MYCBP2: variants seen among roughly 807,000 people sequenced by gnomAD.
The protein encoded by MYCBP2 is E3 ubiquitin-protein ligase MYCBP2.
Under a neutral mutation model 525.3 loss-of-function variants are expected in MYCBP2, and 120 were observed. The observed-to-expected ratio is 0.23, with a 90% CI of 0.20 to 0.27. The LOEUF is 0.27. Among genes scored for constraint, MYCBP2 ranks in the 10% least tolerant of loss-of-function variants. The probability of loss-of-function intolerance (pLI) is 1.00; values close to 1 mark genes in which losing one functional copy is unlikely to be tolerated. For synonymous variants in MYCBP2, 1,894 were observed against 1,955.8 expected, an observed-to-expected ratio of 0.97 and a Z score of 0.83; for missense variants, 4,149 against 5,657.1, an observed-to-expected ratio of 0.73 and a Z score of 8.55.
rs777618853 is a variant in MYCBP2, at chr13:77,326,502, C to T, written c.274G>A (p.Gly92Ser). 1 of 1,587,830 alleles carries T rather than the reference C, an allele frequency of 6.3e-7. No homozygotes were observed. The highest frequency in any genetic ancestry group is 8.6e-7 in the Non-Finnish European group (1 of 1,167,952). Reference protein sequence around the residue: ...TAALNDRDQGGGSAGHPASRN... With the variant: ...TAALNDRDQGSGSAGHPASRN... ...GAGGCTGGGTGTCCAGCGCTGCCGC[C>T]CCCCTGGTCCCTGTCATTGAGCGCA... Residue 92 changes from glycine to serine, a missense_variant, in exon 1 of 83, where the codon GGC becomes AGC. Around this residue, in one of 21 missense-constraint regions of MYCBP2, gnomAD observed 413 missense variants for 451.2 expected, o/e 0.92. Transcript: ENST00000544440. The surrounding 1 kb of genome is among the most constrained non-coding windows in gnomAD (Gnocchi z 4.2).
chr13:77,163,945 A>G (rs894151976), intron 43 of MYCBP2, among the ~76,000 whole-genome samples: 1 of 152,080 alleles, frequency 6.6e-6, no homozygotes, highest in African/African-American at 2.4e-5. Context: ...TGTTCTGTGC[A>G]TCTTTGAAAT....
intron 23 of MYCBP2, among the ~76,000 whole-genome samples, chr13:77,207,640 A>T (rs893673159): frequency 1.6e-4 from 24 of 152,330 alleles, no homozygotes; most frequent in Non-Finnish European, 3.2e-4. Flanking sequence ...AATTATTTTT[A>T]AAAAGCACTT....
chr13:77,191,048 C>T (rs973393941), intron 28 of MYCBP2, among the ~76,000 whole-genome samples: 1 of 152,106 alleles, frequency 6.6e-6, no homozygotes, highest in African/African-American at 2.4e-5. Flanking sequence ...TTAGAGTCAA[C>T]AGGTTACAGG....
At chr13:77,149,154 G>C (rs887648089) in intron 47 of MYCBP2, among the ~76,000 whole-genome samples, 9 of 151,874 alleles carry the variant, frequency 5.9e-5, no homozygotes, top group South Asian at 2.1e-4. Flanking sequence ...ATCTTGAAAG[G>C]CTTATCTACA....
intron 52 of MYCBP2, chr13:77,129,131 T>C (rs1315723396): frequency 1.8e-5 from 7 of 397,444 alleles, no homozygotes; most frequent in Non-Finnish European, 3.1e-5. Flanking sequence ...GAATAAAATA[T>C]TATTGTTCCT....
chr13:77,278,968 T>C, intron 3 of MYCBP2, 57 bp from the exon 4 acceptor site: 1 of 1,305,296 alleles, frequency 7.7e-7, no homozygotes, highest in South Asian at 1.9e-5. Context: ...TAACACTTTC[T>C]AAGCAGTTTA....
Position 77,044,999 on chromosome 13 carries a change from G to T in MYCBP2, c.*379C>A, listed in dbSNP as rs1421199418. ...AATTGTACAGGATTACAAAAAGGCAGTATACAATAAACAATGATTATTTTT... is the reference window on the plus strand; with the variant it reads ...AATTGTACAGGATTACAAAAAGGCATTATACAATAAACAATGATTATTTTT... On this transcript the variant is annotated 3_prime_UTR_variant, in exon 83 of 83. Coordinates refer to ENST00000544440, the MANE Select transcript of MYCBP2 (RefSeq NM_015057.5). The T allele has an allele frequency of 7.4e-6, 3 of 403,692 alleles. No homozygotes were observed. The highest frequency in any genetic ancestry group is 1.3e-5 in the Non-Finnish European group (3 of 228,858). The allele number at this position is 403,692 out of a possible 1,614,324, so 25.0% of individuals were successfully genotyped here. A position where few individuals can be genotyped will look rare whatever the true frequency, so the allele number is the denominator to read the frequency against.
At chr13:77,216,734 G>A (rs1347219997) in intron 21 of MYCBP2, among the ~76,000 whole-genome samples, 1 of 152,120 alleles carries the variant, frequency 6.6e-6, no homozygotes, top group Admixed American at 6.6e-5. Context: ...ATACATAGCT[G>A]TAGAAATGTT....
intron 1 of MYCBP2, among the ~76,000 whole-genome samples, chr13:77,320,755 G>A (rs985746630): frequency 6.6e-6 from 1 of 152,108 alleles, no homozygotes; most frequent in African/African-American, 2.4e-5. Flanking sequence ...GCAGTACCCA[G>A]CGCCATATAC....
chr13:77,326,934 T>C lies in MYCBP2; in HGVS notation c.-159A>G. 1 of 572,770 alleles carries C rather than the reference T, an allele frequency of 1.7e-6. No homozygotes were observed. The highest frequency in any genetic ancestry group is 5.1e-5 in the South Asian group (1 of 19,582). The allele number at this position is 572,770 out of a possible 1,614,324, so 35.5% of individuals were successfully genotyped here. A position where few individuals can be genotyped will look rare whatever the true frequency, so the allele number is the denominator to read the frequency against. On this transcript the variant is annotated 5_prime_UTR_variant, in exon 1 of 83. Coordinates refer to ENST00000544440, the MANE Select transcript of MYCBP2 (RefSeq NM_015057.5). The surrounding 1 kb of genome is among the most constrained non-coding windows in gnomAD (Gnocchi z 4.2). ...AAAGACAGCGACCTCCTTCTCCTCC[T>C]CCTTCTTCTCCTCCTCCCCCCCGCG...
At chr13:77,280,483 G>A (rs1258401174) in intron 3 of MYCBP2, among the ~76,000 whole-genome samples, 1 of 152,202 alleles carries the variant, frequency 6.6e-6, no homozygotes, top group African/African-American at 2.4e-5. Flanking sequence ...TCAAGCCAAT[G>A]GAAGACTACT....
At chr13:77,237,710 T>A (rs1222035629) in intron 17 of MYCBP2, among the ~76,000 whole-genome samples, 1 of 152,032 alleles carries the variant, frequency 6.6e-6, no homozygotes. Flanking sequence ...CCAATATCTA[T>A]CACAGTATGA....
In MYCBP2 at chr13:77,109,228, TG is replaced by T. The variant is rs1486577190; in HGVS notation, c.8141-10216del. On this transcript the variant is annotated intron_variant, in intron 55 of 82. Coordinates refer to ENST00000544440, the MANE Select transcript of MYCBP2 (RefSeq NM_015057.5). ...CTTGGGAGACAATTTTTCCATATGA[TG>T]GGGGGTTGGGGAAATAGTCTCAAGA... 3.3e-5 allele frequency among the ~76,000 whole-genome samples: 5 copies of T among 152,164 alleles called. No homozygotes were observed. In the East Asian group the frequency reaches 9.7e-4, roughly 29 times the overall value.
At chr13:77,304,660 T>C (rs2079182835) in intron 1 of MYCBP2, among the ~76,000 whole-genome samples, 2 of 152,198 alleles carry the variant, frequency 1.3e-5, no homozygotes, top group Admixed American at 6.5e-5. Context: ...GTGATAAATA[T>C]GCTAATTATC....
At chr13:77,229,937 C>G (rs145126830) in intron 18 of MYCBP2, among the ~76,000 whole-genome samples, 1 of 152,284 alleles carries the variant, frequency 6.6e-6, no homozygotes, top group Non-Finnish European at 1.5e-5. Flanking sequence ...TAGAACAATT[C>G]AGATGTTCCT....
chr13:77,199,380 C>T (rs1010768840), intron 26 of MYCBP2, among the ~76,000 whole-genome samples: 5 of 152,248 alleles, frequency 3.3e-5, no homozygotes, highest in African/African-American at 9.6e-5. Context: ...GCACCTGACT[C>T]GGAGGGTCCT....
At chr13:77,266,545 GT>G (rs2074104276) in intron 8 of MYCBP2, among the ~76,000 whole-genome samples, 1 of 151,832 alleles carries the variant, frequency 6.6e-6, no homozygotes, top group South Asian at 2.1e-4. Context: ...TGTTCATAGT[GT>G]TTATATATGG....
At chr13:77,269,941 A>C (rs754910176) in intron 7 of MYCBP2, 51 bp downstream of exon 7, 3 of 1,323,278 alleles carry the variant, frequency 2.3e-6, no homozygotes, top group Admixed American at 1.9e-5. Context: ...AGGACAAATC[A>C]CATGTTGTAA....
rs1247184496 is a variant in MYCBP2, at chr13:77,061,127, T to G, written c.13036+42A>C. On this transcript the variant is annotated intron_variant, in intron 76 of 82. Coordinates refer to ENST00000544440, the MANE Select transcript of MYCBP2 (RefSeq NM_015057.5). ...TCAGTTGGCACGGTTTAATCTTTTT[T>G]TGTGGGTTTTAAAGGCATGGCTCAA... is the stretch of plus-strand genomic sequence containing the variant. 2.6e-6 allele frequency: 4 copies of G among 1,561,536 alleles called. No homozygotes were observed. In the South Asian group the frequency reaches 4.9e-5, roughly 19 times the overall value.
Sources: allele counts gnomAD v4.1 joint callset (sites outside exome capture counted in the v4.1 genomes callset), GRCh38; gene constraint gnomAD v4.1.1; regional missense constraint gnomAD v4.1.1; non-coding constraint Gnocchi (gnomAD v3.1); transcripts MANE v1.5; gene names NCBI Gene and HGNC (gene_info 2026-07-23, HGNC 2026-07-21).